TAFA1: variants seen among roughly 807,000 people sequenced by gnomAD.
TAFA1 encodes the protein TAFA chemokine like family member 1.
Under a neutral mutation model 18.5 loss-of-function variants are expected in TAFA1, and 4 were observed. The observed-to-expected ratio is 0.22, with a 90% CI of 0.11 to 0.49. TAFA1 has a LOEUF of 0.49. Among genes scored for constraint, TAFA1 ranks in the 20% least tolerant of loss-of-function variants. The probability of loss-of-function intolerance (pLI) is 0.98; values close to 1 mark genes in which losing one functional copy is unlikely to be tolerated. For synonymous variants in TAFA1, 56 were observed against 55.2 expected, an observed-to-expected ratio of 1.01 and a Z score of -0.06; for missense variants, 147 against 169.0, an observed-to-expected ratio of 0.87 and a Z score of 0.72.
At chr3:68,346,122 T>G (rs2069160717) in intron 2 of TAFA1, among the ~76,000 whole-genome samples, 1 of 152,164 alleles carries the variant, frequency 6.6e-6, no homozygotes, top group South Asian at 2.1e-4. Flanking sequence ...GGCAGCCTAC[T>G]CAGATGGAAT....
intron 2 of TAFA1, among the ~76,000 whole-genome samples, chr3:68,098,960 G>A (rs192527240): frequency 6.6e-6 from 1 of 152,074 alleles, no homozygotes; most frequent in Admixed American, 6.6e-5. Flanking sequence ...CTCATGCAGA[G>A]GGATAAAACT....
chr3:68,233,092 C>A (rs1393298733), intron 2 of TAFA1, among the ~76,000 whole-genome samples: 1 of 152,012 alleles, frequency 6.6e-6, no homozygotes, highest in Non-Finnish European at 1.5e-5. Context: ...ATTTGCATTT[C>A]CCTGATAATT....
chr3:68,483,357 C>T (rs2072272655), intron 3 of TAFA1, among the ~76,000 whole-genome samples: 1 of 152,140 alleles, frequency 6.6e-6, no homozygotes, highest in South Asian at 2.1e-4. Context: ...TAATCATAGA[C>T]AATATGTACC....
At position 68,223,494 on chromosome 3, in the gene TAFA1, A is replaced by G. The variant is rs1010831079; in HGVS notation, c.119-193786A>G. ...TATGTGTGTGTGTATATATGTATGT[A>G]TGTGTCTACGCCTGTATGTACATAA... On this transcript the variant is annotated intron_variant, in intron 2 of 4. Transcript: ENST00000478136. 2.0e-5 allele frequency among the ~76,000 whole-genome samples: 3 copies of G among 151,986 alleles called. No individual in the cohort carries two copies. In the East Asian group the frequency reaches 5.8e-4, roughly 29 times the overall value.
At chr3:68,255,181 G>A (rs1287729923) in intron 2 of TAFA1, among the ~76,000 whole-genome samples, 1 of 152,144 alleles carries the variant, frequency 6.6e-6, no homozygotes, top group East Asian at 1.9e-4. Flanking sequence ...AAAGTGGAAT[G>A]ATTCAATCTG....
At chr3:68,516,348 C>T (rs191265482) in intron 3 of TAFA1, among the ~76,000 whole-genome samples, 1 of 152,270 alleles carries the variant, frequency 6.6e-6, no homozygotes, top group Admixed American at 6.5e-5. Flanking sequence ...AGATTGATGA[C>T]TTCTCAGTCT....
At chr3:68,042,521 T>G (rs1385840059) in intron 2 of TAFA1, among the ~76,000 whole-genome samples, 1 of 152,086 alleles carries the variant, frequency 6.6e-6, no homozygotes, top group Non-Finnish European at 1.5e-5. Context: ...TGGTGGCACA[T>G]GCCTGTAATC....
chr3:68,186,219 T>C (rs534537343), intron 2 of TAFA1, among the ~76,000 whole-genome samples: 10 of 152,076 alleles, frequency 6.6e-5, no homozygotes, highest in Non-Finnish European at 1.5e-4. Flanking sequence ...TGGGAATAAT[T>C]GTTATTAATC....
intron 3 of TAFA1, among the ~76,000 whole-genome samples, chr3:68,476,012 T>G (rs1470876675): frequency 1.3e-5 from 2 of 152,204 alleles, no homozygotes; most frequent in African/African-American, 4.8e-5. Context: ...GGATTGTTTG[T>G]TTTTTTCTTG....
chr3:68,159,731 C>A (rs567507398), intron 2 of TAFA1, among the ~76,000 whole-genome samples: 1 of 152,222 alleles, frequency 6.6e-6, no homozygotes, highest in South Asian at 2.1e-4. Context: ...CTTTCTCCCA[C>A]CTGGAAAGTT....
intron 2 of TAFA1, among the ~76,000 whole-genome samples, chr3:68,135,480 A>G (rs2065596437): frequency 6.6e-6 from 1 of 152,214 alleles, no homozygotes; most frequent in African/African-American, 2.4e-5. Context: ...TAGAGTCTAC[A>G]AGACCCAGGT....
At chr3:68,194,005 T>C (rs377014792) in intron 2 of TAFA1, among the ~76,000 whole-genome samples, 5 of 151,946 alleles carry the variant, frequency 3.3e-5, no homozygotes, top group African/African-American at 9.6e-5. Flanking sequence ...CCACTTCATG[T>C]GTCTTTGTTC....
intron 2 of TAFA1, among the ~76,000 whole-genome samples, chr3:68,249,648 A>G (rs1198299143): frequency 6.6e-6 from 1 of 152,218 alleles, no homozygotes; most frequent in Non-Finnish European, 1.5e-5. Flanking sequence ...GGCATAGGAC[A>G]GCAGACAGTC....
intron 2 of TAFA1, among the ~76,000 whole-genome samples, chr3:68,223,840 G>A (rs1158416550): frequency 6.6e-6 from 1 of 152,058 alleles, no homozygotes; most frequent in African/African-American, 2.4e-5. Flanking sequence ...ACTGATCAAT[G>A]CCTTCTGGGA....
chr3:68,086,064 A>G (rs12638261), intron 2 of TAFA1, among the ~76,000 whole-genome samples: 54,916 of 152,106 alleles, frequency 0.36, 10,340 homozygotes, highest in East Asian at 0.48. Context: ...TACATGAGGT[A>G]CAGCCCATTT....
chr3:68,406,139 T>C (rs2070602466), intron 2 of TAFA1, among the ~76,000 whole-genome samples: 1 of 152,200 alleles, frequency 6.6e-6, no homozygotes, highest in Admixed American at 6.5e-5. Context: ...TTCAAAATTA[T>C]ATTAGATATT....
chr3:68,424,046 G>A (rs2106817104), intron 3 of TAFA1, among the ~76,000 whole-genome samples: 1 of 152,044 alleles, frequency 6.6e-6, no homozygotes, highest in South Asian at 2.1e-4. Flanking sequence ...TCACGGCAGT[G>A]AAAACCCAAG....
intron 2 of TAFA1, among the ~76,000 whole-genome samples, chr3:68,225,908 A>G (rs1368325103): frequency 2.6e-5 from 4 of 152,176 alleles, no homozygotes; most frequent in Non-Finnish European, 5.9e-5. Flanking sequence ...ATCCATATGA[A>G]AACACTTTGA....
chr3:68,230,245 A>G (rs1575693495), intron 2 of TAFA1, among the ~76,000 whole-genome samples: 1 of 151,838 alleles, frequency 6.6e-6, no homozygotes. Flanking sequence ...CCCATAACAA[A>G]CCTCTCTTTA....
Sources: gnomAD v4.1 joint callset for allele counts (sites outside exome capture counted in the v4.1 genomes callset) on GRCh38, gnomAD v4.1.1 for gene constraint, MANE v1.5 for transcripts, NCBI Gene and HGNC (gene_info 2026-07-23, HGNC 2026-07-21) for gene names.